The following PCYOX1 variants were observed in gnomAD, a reference collection of about 807,000 sequenced individuals.
The protein encoded by PCYOX1 is prenylcysteine lyase.
Under a neutral mutation model 46.4 loss-of-function variants are expected in PCYOX1, and 46 were observed. The ratio of observed to expected loss-of-function variants is 0.99; its 90% CI spans 0.78 to 1.27. The LOEUF (loss-of-function observed/expected upper bound fraction) is 1.27, where lower values mean the gene tolerates loss of function less well. Among genes scored for constraint, PCYOX1 ranks in the 50% most tolerant of loss-of-function variants. The pLI is 0.00. For missense variants in PCYOX1, 658 were observed against 628.3 expected (o/e 1.05, Z -0.51); for synonymous variants, 220 against 231.8 (o/e 0.95, Z 0.46).
intron 5 of PCYOX1, among the ~76,000 whole-genome samples, chr2:70,276,347 T>TAGGC (rs200113237): frequency 0.061 from 9,241 of 151,486 alleles, 345 homozygotes; most frequent in East Asian, 0.18. Flanking sequence ...GCTGGGACTA[T>TAGGC]AGGCGCCTGC....
In PCYOX1 at chr2:70,275,684, A is replaced by C; in HGVS notation, c.859+18A>C. The C allele has an allele frequency of 3.9e-6, 6 of 1,535,370 alleles. No individual in the cohort carries two copies. The highest frequency in any genetic ancestry group is 4.5e-6 in the Non-Finnish European group (5 of 1,117,326). ...GTACACAGGTAAGCTTGAATTTCTT[A>C]TTGTTCCTGATATCCCCTGCAGAAA... On this transcript the variant is annotated intron_variant, in intron 5 of 5. Coordinates refer to ENST00000433351, the MANE Select transcript of PCYOX1 (RefSeq NM_016297.4).
At chr2:70,266,933 C>G (rs1696531843) in intron 3 of PCYOX1, among the ~76,000 whole-genome samples, 1 of 152,198 alleles carries the variant, frequency 6.6e-6, no homozygotes, top group African/African-American at 2.4e-5. Context: ...TTCTATTCGA[C>G]AAAACTGCCA....
intron 3 of PCYOX1, among the ~76,000 whole-genome samples, chr2:70,273,846 T>A (rs895215251): frequency 1.3e-5 from 2 of 152,200 alleles, no homozygotes; most frequent in African/African-American, 2.4e-5. Context: ...ATAGAAAGCA[T>A]CTAATTGTTG....
At chr2:70,267,280 G>A (rs1248763006) in intron 3 of PCYOX1, among the ~76,000 whole-genome samples, 1 of 151,956 alleles carries the variant, frequency 6.6e-6, no homozygotes, top group Admixed American at 6.6e-5. Flanking sequence ...TGACGGCCGG[G>A]AAGAGGCGCT....
At position 70,279,803 on chromosome 2, in the gene PCYOX1, A is replaced by C. The variant is rs546870900; in HGVS notation, c.*2411A>C. ...GTCTCAGAAAAAAAAAACAAAAACCAGTTTAGGCTGGGTATGGTGGCTCAC... is the reference window on the plus strand; with the variant it reads ...GTCTCAGAAAAAAAAAACAAAAACCCGTTTAGGCTGGGTATGGTGGCTCAC... On this transcript the variant is annotated 3_prime_UTR_variant, in exon 6 of 6. Transcript: ENST00000433351. 2 of 150,416 alleles carry C rather than the reference A, an allele frequency of 1.3e-5. No individual in the cohort carries two copies. The highest frequency in any genetic ancestry group is 2.5e-5 in the African/African-American group (1 of 40,712). The allele number at this position is 150,416 out of a possible 1,614,324, so 9.3% of individuals were successfully genotyped here. A position where few individuals can be genotyped will look rare whatever the true frequency, so the allele number is the denominator to read the frequency against.
At chr2:70,266,930 C>T (rs1280593339) in intron 3 of PCYOX1, among the ~76,000 whole-genome samples, 3 of 152,168 alleles carry the variant, frequency 2.0e-5, no homozygotes, top group Non-Finnish European at 2.9e-5. Flanking sequence ...CACTTCTATT[C>T]GACAAAACTG....
In PCYOX1 at chr2:70,277,426, A is replaced by G. The variant is rs751207781; in HGVS notation, c.*34A>G. On this transcript the variant is annotated 3_prime_UTR_variant, in exon 6 of 6. Coordinates refer to ENST00000433351, the MANE Select transcript of PCYOX1 (RefSeq NM_016297.4). Reference sequence around the variant, plus strand: ...ACTCCTTTTTCCCCTCCTAGTTCCAAATGACTATCAGTGGCAAAAAAGAAC... The same window carrying G: ...ACTCCTTTTTCCCCTCCTAGTTCCAGATGACTATCAGTGGCAAAAAAGAAC... 1 of 1,515,186 alleles carries G rather than the reference A, an allele frequency of 6.6e-7. No individual in the cohort carries two copies. The highest frequency in any genetic ancestry group is 2.3e-5 in the East Asian group (1 of 43,872). 93.9% of individuals were successfully genotyped at this position (1,515,186 alleles called of 1,614,324 possible).
chr2:70,258,392 C>A, intron 1 of PCYOX1, 116 bp downstream of exon 1: 1 of 633,406 alleles, frequency 1.6e-6, no homozygotes, highest in Non-Finnish European at 2.5e-6. Flanking sequence ...GCAGGCCGAG[C>A]CAGCTGCGCA....
Position 70,275,522 on chromosome 2 carries a change from T to A in PCYOX1, c.715T>A (p.Ser239Thr). ...TDINAFVGAV[S>T]LSCSDSGLWA... ...TTTCCTCCTATTGACAGGGGCGGTG[T>A]CACTGTCCTGTTCTGATTCTGGCCT... is the stretch of plus-strand genomic sequence containing the variant. Residue 239 changes from serine (S) to threonine (T), a missense_variant, in exon 5 of 6, where the codon TCA (serine) becomes ACA (threonine). Physicochemically the swap from Ser to Thr is moderately conservative, Grantham distance 58. Coordinates refer to ENST00000433351, the MANE Select transcript of PCYOX1 (RefSeq NM_016297.4). 3.1e-6 allele frequency: 5 copies of A among 1,614,054 alleles called. No individual in the cohort carries two copies. The highest frequency in any genetic ancestry group is 4.2e-6 in the Non-Finnish European group (5 of 1,179,958).
chr2:70,275,034 C>A lies in PCYOX1; in HGVS notation c.570C>A (p.Asp190Glu). 1.2e-6 allele frequency: 2 copies of A among 1,613,604 alleles called. No individual in the cohort carries two copies. Among genetic ancestry groups the A allele is most frequent in the Admixed American group, 1.7e-5 (1 of 60,018 alleles). Reference sequence around the variant, plus strand: ...TACTTCATGCTCTAGGAGGAGATGACTTCCTTGGAATGCTTAATCGAACAC... The same window carrying A: ...TACTTCATGCTCTAGGAGGAGATGAATTCCTTGGAATGCTTAATCGAACAC... ...EKLLHALGGD[D>E]FLGMLNRTLL... The change falls in exon 4 of 6, where the codon GAC (aspartate) becomes GAA (glutamate). Residue 190 changes from aspartate (D) to glutamate (E), a missense_variant. Physicochemically the swap from Asp to Glu is conservative, Grantham distance 45. Coordinates refer to ENST00000433351, the MANE Select transcript of PCYOX1 (RefSeq NM_016297.4).
chr2:70,267,554 G>A (rs962941239), intron 3 of PCYOX1, among the ~76,000 whole-genome samples: 2 of 152,132 alleles, frequency 1.3e-5, no homozygotes, highest in African/African-American at 2.4e-5. Flanking sequence ...TCGGGAGGCC[G>A]AGGCTGGCAG....
chr2:70,261,390 AT>A lies in PCYOX1; in HGVS notation c.494+12del, dbSNP rs761454824. 3.5e-5 allele frequency: 55 copies of A among 1,587,598 alleles called. No homozygotes were observed. The highest frequency in any genetic ancestry group is 1.2e-4 in the South Asian group (11 of 88,184). On this transcript the variant is annotated splice_donor_5th_base_variant and intron_variant, in intron 3 of 5. Coordinates refer to ENST00000433351, the MANE Select transcript of PCYOX1 (RefSeq NM_016297.4). The stretch of plus-strand genomic sequence containing the variant: ...ACGTGTTAGACAAGTTCATGAGGTA[AT>A]TTTTTTTCCTTCCATTTAACCTAAG...
chr2:70,258,874 C>T (rs143394041), intron 1 of PCYOX1, among the ~76,000 whole-genome samples: 4 of 152,358 alleles, frequency 2.6e-5, no homozygotes, highest in Non-Finnish European at 4.4e-5. Context: ...GTCAAGAGCT[C>T]CAGTGTCAGG....
intron 1 of PCYOX1, 21 bp from the exon 2 acceptor site, chr2:70,259,336 ATCT>A (rs748266777): frequency 2.5e-6 from 4 of 1,598,466 alleles, no homozygotes; most frequent in African/African-American, 1.3e-5. Flanking sequence ...GGAAAATATA[ATCT>A]TCTGTTTTTT....
Position 70,280,972 on chromosome 2 carries a change from C to CCAT in PCYOX1, c.*3582_*3584dup, listed in dbSNP as rs1696765355. 1 of 152,080 alleles carries CCAT rather than the reference C, an allele frequency of 6.6e-6. No individual in the cohort carries two copies. The highest frequency in any genetic ancestry group is 1.5e-5 in the Non-Finnish European group (1 of 68,030). The allele number at this position is 152,080 out of a possible 1,614,324, so 9.4% of individuals were successfully genotyped here. ...TCTTAAGATTAGGTTTATAATACAACCATCTGTAATGTATCTCTCGTTTGA... is the reference window on the plus strand; with the variant it reads ...TCTTAAGATTAGGTTTATAATACAACCATCATCTGTAATGTATCTCTCGTTTGA... On this transcript the variant is annotated 3_prime_UTR_variant, in exon 6 of 6. Transcript: ENST00000433351.
rs772672986 is a variant in PCYOX1, at chr2:70,261,425, A to G, written c.494+39A>G. On this transcript the variant is annotated intron_variant, in intron 3 of 5. Coordinates refer to ENST00000433351, the MANE Select transcript of PCYOX1 (RefSeq NM_016297.4). ...CTTCCATTTAACCTAAGATCTTTTA[A>G]TTTAGGTTAAATTAAACTTGATGAA... is the stretch of plus-strand genomic sequence containing the variant. The G allele has an allele frequency of 5.1e-6, 7 of 1,362,502 alleles. No individual in the cohort carries two copies. In the Admixed American group the frequency reaches 1.3e-4, roughly 26 times the overall value. The allele number at this position is 1,362,502 out of a possible 1,614,324, so 84.4% of individuals were successfully genotyped here. A position where few individuals can be genotyped will look rare whatever the true frequency, so the allele number is the denominator to read the frequency against.
intron 3 of PCYOX1, among the ~76,000 whole-genome samples, chr2:70,269,685 C>T (rs1049079284): frequency 1.3e-5 from 2 of 152,138 alleles, no homozygotes; most frequent in African/African-American, 4.8e-5. Flanking sequence ...CTATTGATGT[C>T]ATAGCCTCCG....
rs374488039 is a variant in PCYOX1 at position 70,258,151 on chromosome 2, A to G, written c.-14A>G. 8 of 1,583,432 alleles carry G rather than the reference A, an allele frequency of 5.1e-6. No homozygotes were observed. The highest frequency in any genetic ancestry group is 6.8e-6 in the Non-Finnish European group (8 of 1,170,058). On this transcript the variant is annotated 5_prime_UTR_variant, in exon 1 of 6. Transcript: ENST00000433351. Reference sequence around the variant, plus strand: ...GCGGGGCTCTTGAGGCCAGCTGCAGAGCTTGTGGAGGCCATGGGGCGCGTC... The same window carrying G: ...GCGGGGCTCTTGAGGCCAGCTGCAGGGCTTGTGGAGGCCATGGGGCGCGTC...
chr2:70,273,253 C>G (rs540554116), intron 3 of PCYOX1, among the ~76,000 whole-genome samples: 331 of 152,212 alleles, frequency 2.2e-3, no homozygotes, highest in Middle Eastern at 0.014. Context: ...TATGAGATAT[C>G]CAGGCTATTA....
Sources: gnomAD v4.1 joint callset for allele counts (sites outside exome capture counted in the v4.1 genomes callset) on GRCh38, gnomAD v4.1.1 for gene constraint, MANE v1.5 for transcripts, NCBI Gene and HGNC (gene_info 2026-07-23, HGNC 2026-07-21) for gene names.